Variants in ZNF775 observed in about 807,000 individuals in gnomAD.
ZNF775 encodes zinc finger protein 775.
A neutral mutation model predicts 2.4 loss-of-function variants in ZNF775; 1 was observed. The observed-to-expected ratio is 0.41, with a 90% confidence interval of 0.15 to 1.94. The LOEUF is 1.94. Among genes scored for constraint, ZNF775 ranks in the 30% most tolerant of loss-of-function variants. ZNF775 has a pLI of 0.30. For missense variants in ZNF775, 823 were observed against 826.6 expected, an observed-to-expected ratio of 1.00 and a Z score of 0.05; for synonymous variants, 381 against 373.3, an observed-to-expected ratio of 1.02 and a Z score of -0.24.
intron 2 of ZNF775, among the ~76,000 whole-genome samples, chr7:150,395,455 A>G (rs1800631301): frequency 6.6e-6 from 1 of 152,160 alleles, no homozygotes; most frequent in Non-Finnish European, 1.5e-5. Flanking sequence ...ATGGATCACA[A>G]GCTCTGTAAA....
At chr7:150,389,269 A>G (rs1425262898) in intron 2 of ZNF775, among the ~76,000 whole-genome samples, 1 of 152,192 alleles carries the variant, frequency 6.6e-6, no homozygotes, top group African/African-American at 2.4e-5. Flanking sequence ...TCCCAGGGGA[A>G]TTGCCCCATA....
Position 150,397,743 on chromosome 7 carries a change from G to T in ZNF775, c.1262G>T (p.Arg421Leu), listed in dbSNP as rs1452599368. The T allele has an allele frequency of 1.4e-6, 2 of 1,467,014 alleles. No homozygotes were observed. The highest frequency in any genetic ancestry group is 2.7e-5 in the East Asian group (1 of 37,676). The allele number at this position is 1,467,014 out of a possible 1,614,324, so 90.9% of individuals were successfully genotyped here. ...GCCGCGAGGCCGCGGAGCTCCCAAC[G>T]GTCCCCGGGGGCCCGGGACACGCTG... ...GLAARPRSSQ[R>L]SPGARDTLWG... Residue 421 changes from arginine (R) to leucine (L), a missense_variant, in exon 3 of 3, where the codon CGG (arginine) becomes CTG (leucine). Transcript: ENST00000329630.
In ZNF775 at chr7:150,382,167, G is replaced by T. The variant is rs567369700; in HGVS notation, c.-50+2775G>T. 2.0e-5 allele frequency among the ~76,000 whole-genome samples: 3 copies of T among 152,132 alleles called. No homozygotes were observed. Among genetic ancestry groups the T allele is most frequent in the Non-Finnish European group, 4.4e-5 (3 of 68,022 alleles). ...CCCTCTTCCTCCTGCATGGTGGAGC[G>T]TGGAGGCTCCTGTGTGGCGCTGGGG... On this transcript the variant is annotated intron_variant, in intron 1 of 2. Coordinates refer to ENST00000329630, the MANE Select transcript of ZNF775 (RefSeq NM_173680.4). This position sits in a 1 kb window ranked among gnomAD's most constrained non-coding sequence, Gnocchi z 4.6.
At chr7:150,388,333 C>T in intron 1 of ZNF775, 89 bp from the exon 2 acceptor site, 1 of 989,316 alleles carries the variant, frequency 1.0e-6, no homozygotes, top group South Asian at 1.5e-5. Context: ...AAAGAGAGTG[C>T]TTTATGGGAT....
chr7:150,387,364 G>A (rs566212757), intron 1 of ZNF775, among the ~76,000 whole-genome samples: 1 of 151,730 alleles, frequency 6.6e-6, no homozygotes, highest in Non-Finnish European at 1.5e-5. Context: ...GCTGGGAGCT[G>A]ATAGAAGTGT....
rs775143548 is a variant in ZNF775, at chr7:150,397,074, G to A, written c.593G>A (p.Arg198His). ...ACCCACTCGTGCCCCGAGTGCGAGC[G>A]CTGCTTCCGTCACCAGGTGGGCCTC... ...PATHSCPECE[R>H]CFRHQVGLRI... The change falls in exon 3 of 3, where the codon CGC (arginine) becomes CAC (histidine). Residue 198 changes from arginine to histidine, a missense_variant. Arg to His is a conservative substitution (Grantham distance 29). Coordinates refer to ENST00000329630, the MANE Select transcript of ZNF775 (RefSeq NM_173680.4). 14 of 1,584,510 alleles carry A rather than the reference G, an allele frequency of 8.8e-6. No individual in the cohort carries two copies. Among genetic ancestry groups the A allele is most frequent in the Admixed American group, 1.7e-5 (1 of 57,370 alleles).
Position 150,398,226 on chromosome 7 carries a change from GA to G in ZNF775, c.*133del. The G allele has an allele frequency of 7.3e-7, 1 of 1,374,438 alleles. No homozygotes were observed. Among genetic ancestry groups the G allele is most frequent in the Non-Finnish European group, 9.7e-7 (1 of 1,035,738 alleles). The allele number at this position is 1,374,438 out of a possible 1,614,324, so 85.1% of individuals were successfully genotyped here. ...GGACCGGTGGATTCCTTAAGGCTCT[GA>G]AGGGCTGAGAACAGTTCTAGAAGCG... On this transcript the variant is annotated 3_prime_UTR_variant, in exon 3 of 3. Transcript: ENST00000329630.
In ZNF775 at chr7:150,398,160, G is replaced by A; in HGVS notation, c.*65G>A. The A allele has an allele frequency of 1.3e-6, 2 of 1,521,120 alleles. No homozygotes were observed. Among genetic ancestry groups the A allele is most frequent in the Non-Finnish European group, 8.8e-7 (1 of 1,140,552 alleles). The allele number at this position is 1,521,120 out of a possible 1,614,324, so 94.2% of individuals were successfully genotyped here. A position where few individuals can be genotyped will look rare whatever the true frequency, so the allele number is the denominator to read the frequency against. On this transcript the variant is annotated 3_prime_UTR_variant, in exon 3 of 3. Transcript: ENST00000329630. ...GTTTGCGGGGTGTGTGTGGGGAGTG[G>A]GGGTGGCCAGGATTGCTGGCTCTTA...
At chr7:150,388,627 C>G in intron 2 of ZNF775, 126 bp downstream of exon 2, 1 of 1,063,962 alleles carries the variant, frequency 9.4e-7, no homozygotes, top group Non-Finnish European at 1.4e-6. Context: ...CCCACTGATG[C>G]AGAATTTCAG....
chr7:150,381,871 G>A (rs1334410383), intron 1 of ZNF775, among the ~76,000 whole-genome samples: 1 of 152,116 alleles, frequency 6.6e-6, no homozygotes, highest in Admixed American at 6.5e-5. Flanking sequence ...AGAGGGGAAG[G>A]GTCAGGGCTG....
intron 1 of ZNF775, among the ~76,000 whole-genome samples, chr7:150,387,957 G>A (rs1800483910): frequency 6.6e-6 from 1 of 152,182 alleles, no homozygotes; most frequent in Non-Finnish European, 1.5e-5. Context: ...TTTGAAAGAG[G>A]GGGCGGGTGA....
At chr7:150,389,126 A>G (rs893234663) in intron 2 of ZNF775, among the ~76,000 whole-genome samples, 2 of 152,210 alleles carry the variant, frequency 1.3e-5, no homozygotes, top group African/African-American at 4.8e-5. Flanking sequence ...GCCCTGTCGC[A>G]TGTGGCGTGT....
chr7:150,397,171 C>T lies in ZNF775; in HGVS notation c.690C>T (p.Asp230=), dbSNP rs1231863230. The change falls in exon 3 of 3, where the codon GAC becomes GAT. Residue 230 remains aspartate (D), a synonymous_variant. Transcript: ENST00000329630. ...SRAGLHELIQ[D]AAARRACRLQ... is the part of the protein sequence containing the mutation. ...CCGGCCTGCACGAGCTGATTCAGGA[C>T]GCGGCGGCGCGCCGGGCCTGTCGCC... 1 of 1,352,218 alleles carries T rather than the reference C, an allele frequency of 7.4e-7. No individual in the cohort carries two copies. Among genetic ancestry groups the T allele is most frequent in the East Asian group, 3.3e-5 (1 of 30,436 alleles). The allele number at this position is 1,352,218 out of a possible 1,614,324, so 83.8% of individuals were successfully genotyped here. A position where few individuals can be genotyped will look rare whatever the true frequency, so the allele number is the denominator to read the frequency against.
rs768245774 is a variant in ZNF775 at position 150,397,187 on chromosome 7, G to A, written c.706G>A (p.Ala236Thr). ...GATTCAGGACGCGGCGGCGCGCCGG[G>A]CCTGTCGCCTGCAGCCGGGGCCGCC... ...ELIQDAAARR[A>T]CRLQPGPPRG... Residue 236 changes from alanine to threonine, a missense_variant, in exon 3 of 3, where the codon GCC (alanine) becomes ACC (threonine). Ala to Thr is a moderately conservative substitution (Grantham distance 58, BLOSUM62 0). Coordinates refer to ENST00000329630, the MANE Select transcript of ZNF775 (RefSeq NM_173680.4). The A allele has an allele frequency of 7.5e-6, 9 of 1,192,778 alleles. No homozygotes were observed. The highest frequency in any genetic ancestry group is 6.2e-6 in the Non-Finnish European group (6 of 963,852). 73.9% of individuals were successfully genotyped at this position (1,192,778 alleles called of 1,614,324 possible).
At chr7:150,392,510 A>G (rs968738139) in intron 2 of ZNF775, among the ~76,000 whole-genome samples, 4 of 151,472 alleles carry the variant, frequency 2.6e-5, no homozygotes, top group Non-Finnish European at 4.4e-5. Context: ...GTGTCAGTCA[A>G]GAGTTCGGTT....
chr7:150,398,061 C>T lies in ZNF775; in HGVS notation c.1580C>T (p.Ala527Val), dbSNP rs371092824. 4 of 1,562,978 alleles carry T rather than the reference C, an allele frequency of 2.6e-6. No homozygotes were observed. Among genetic ancestry groups the T allele is most frequent in the Non-Finnish European group, 3.5e-6 (4 of 1,159,102 alleles). ...LLKHQRVHRA[A>V]PACSPKEEAR ...AAGCACCAGCGCGTGCACCGCGCGG[C>T]CCCTGCGTGCAGCCCCAAGGAGGAG... The change falls in exon 3 of 3, where the codon GCC (alanine) becomes GTC (valine). Residue 527 changes from alanine (A) to valine (V), a missense_variant. Coordinates refer to ENST00000329630, the MANE Select transcript of ZNF775 (RefSeq NM_173680.4).
chr7:150,388,563 T>C, intron 2 of ZNF775, 62 bp downstream of exon 2: 1 of 1,543,696 alleles, frequency 6.5e-7, no homozygotes, highest in East Asian at 2.4e-5. Flanking sequence ...CACGTGCCCT[T>C]ATCTTTTCTA....
chr7:150,390,820 G>A (rs535745529), intron 2 of ZNF775, among the ~76,000 whole-genome samples: 137 of 152,234 alleles, frequency 9.0e-4, no homozygotes, highest in African/African-American at 3.2e-3. Flanking sequence ...GGAATTGCTG[G>A]CTGGAAAGGG....
intron 1 of ZNF775, 145 bp downstream of exon 1, chr7:150,379,537 G>A: frequency 6.6e-6 from 1 of 152,250 alleles, no homozygotes; most frequent in Non-Finnish European, 1.5e-5. Context: ...TGGGGCGGGG[G>A]CCTGGGGTGC....
Sources: allele counts gnomAD v4.1 joint callset (sites outside exome capture counted in the v4.1 genomes callset), GRCh38; gene constraint gnomAD v4.1.1; non-coding constraint Gnocchi (gnomAD v3.1); transcripts MANE v1.5; gene names NCBI Gene and HGNC (gene_info 2026-07-23, HGNC 2026-07-21).